The following PPP1R9A variants were observed in gnomAD, a reference collection of about 807,000 sequenced individuals.
PPP1R9A encodes neurabin-1.
In PPP1R9A, 59 loss-of-function variants were observed where a neutral mutation model predicts 141.9. That is an observed-to-expected ratio of 0.42 (90% CI 0.34 to 0.52). The LOEUF (loss-of-function observed/expected upper bound fraction) is 0.52, where lower values mean the gene tolerates loss of function less well. PPP1R9A is among the 20% of genes least tolerant of loss of function. PPP1R9A has a pLI of 0.10. For synonymous variants in PPP1R9A, 500 were observed against 569.7 expected (o/e 0.88, Z 1.74); for missense variants, 1,444 against 1,611.9 (o/e 0.90, Z 1.78).
At chr7:95,106,647 G>A (rs1237840225) in intron 2 of PPP1R9A, among the ~76,000 whole-genome samples, 2 of 152,002 alleles carry the variant, frequency 1.3e-5, no homozygotes, top group East Asian at 3.9e-4. Flanking sequence ...ATACATCTTT[G>A]TACACATTTG....
At chr7:95,175,003 C>A (rs900171960) in intron 5 of PPP1R9A, 1 of 152,136 alleles carries the variant, frequency 6.6e-6, no homozygotes, top group African/African-American at 2.4e-5. Context: ...TCTGCCAGGC[C>A]TCTCACAACA....
chr7:95,092,005 A>G (rs902660707), intron 2 of PPP1R9A, among the ~76,000 whole-genome samples: 1 of 152,200 alleles, frequency 6.6e-6, no homozygotes, highest in African/African-American at 2.4e-5. Flanking sequence ...TGAGATTTAA[A>G]TGAGACACCT....
chr7:95,091,624 G>A (rs556283794), intron 2 of PPP1R9A, among the ~76,000 whole-genome samples: 155 of 151,748 alleles, frequency 1.0e-3, no homozygotes, highest in Non-Finnish European at 2.0e-3. Context: ...GATTACAGGC[G>A]TGAGCCACCA....
intron 2 of PPP1R9A, among the ~76,000 whole-genome samples, chr7:95,034,411 C>G (rs949581519): frequency 6.6e-6 from 1 of 152,118 alleles, no homozygotes; most frequent in African/African-American, 2.4e-5. Context: ...ATTTCTCACA[C>G]ATCGTGTTTT....
intron 16 of PPP1R9A, 62 bp from the exon 17 acceptor site, chr7:95,283,956 G>A (rs1199761515): frequency 1.5e-6 from 2 of 1,351,696 alleles, no homozygotes; most frequent in African/African-American, 1.5e-5. Flanking sequence ...GAGTCCTTGG[G>A]TTCAGTAGGT....
rs754732393 is a variant in PPP1R9A at position 94,911,377 on chromosome 7, G to A, written c.1264G>A (p.Asp422Asn). 5.6e-6 allele frequency: 9 copies of A among 1,614,116 alleles called. No homozygotes were observed. The highest frequency in any genetic ancestry group is 7.6e-6 in the Non-Finnish European group (9 of 1,180,004). The change falls in exon 2 of 20, where the codon GAT becomes AAT. Residue 422 changes from aspartate to asparagine, a missense_variant. This residue lies in a region of PPP1R9A where 490 missense variants were observed against 521.1 expected (regional missense o/e 0.94). Coordinates refer to ENST00000433360, the MANE Select transcript of PPP1R9A (RefSeq NM_001166160.2). ...SDWGETGTEQ[D>N]EEEDSDENSY... ...CTGGGGAGAGACAGGCACTGAGCAGGATGAGGAGGAAGATAGTGATGAGAA... is the reference window on the plus strand; with the variant it reads ...CTGGGGAGAGACAGGCACTGAGCAGAATGAGGAGGAAGATAGTGATGAGAA...
At chr7:95,119,699 C>G (rs1160036639) in intron 3 of PPP1R9A, among the ~76,000 whole-genome samples, 1 of 152,074 alleles carries the variant, frequency 6.6e-6, no homozygotes, top group Non-Finnish European at 1.5e-5. Context: ...AGGGATTCTC[C>G]CACCTCAGCC....
In PPP1R9A at chr7:95,133,104, G is replaced by C. The variant is rs376409165; in HGVS notation, c.1649+12272G>C. ...GAAGGAGATCTCTCAGCAGAGAAGG[G>C]ACCCAAGAGCAGGTAGCCCTCTGTG... On this transcript the variant is annotated intron_variant, in intron 4 of 19. Coordinates refer to ENST00000433360, the MANE Select transcript of PPP1R9A (RefSeq NM_001166160.2). Among the ~76,000 whole-genome samples, 443 of 152,242 alleles carry C rather than the reference G, an allele frequency of 2.9e-3. 1 individual carries two copies. The highest frequency in any genetic ancestry group is 9.1e-3 in the African/African-American group (380 of 41,546).
intron 7 of PPP1R9A, among the ~76,000 whole-genome samples, chr7:95,206,791 G>A (rs1182785840): frequency 6.6e-6 from 1 of 152,154 alleles, no homozygotes; most frequent in Non-Finnish European, 1.5e-5. Flanking sequence ...ATGCTTAAAT[G>A]TTATGATGAT....
Position 95,064,101 on chromosome 7 carries a change from T to A in PPP1R9A, c.1396-47158T>A, listed in dbSNP as rs182044796. On this transcript the variant is annotated intron_variant, in intron 2 of 19. Transcript: ENST00000433360. The stretch of plus-strand genomic sequence containing the variant: ...ACTGTAGTACTGTTATTTGCTGTTA[T>A]TTAAGTTCTGTAAAGTCACAGAAAA... Among the ~76,000 whole-genome samples, 10 of 152,316 alleles carry A rather than the reference T, an allele frequency of 6.6e-5. No individual in the cohort carries two copies. In the East Asian group the frequency reaches 1.9e-3, roughly 29 times the overall value.
At chr7:95,271,512 G>A (rs972124704) in intron 14 of PPP1R9A, among the ~76,000 whole-genome samples, 3 of 152,176 alleles carry the variant, frequency 2.0e-5, no homozygotes, top group Non-Finnish European at 4.4e-5. Flanking sequence ...CAACATGATG[G>A]GGGAAATAGG....
rs572815127 is a variant in PPP1R9A at position 95,068,097 on chromosome 7, C to T, written c.1396-43162C>T. On this transcript the variant is annotated intron_variant, in intron 2 of 19. Transcript: ENST00000433360. ...AAAAAAACTGGATATGTGGCCTAGC[C>T]CTCCAGCAAACTCCTAAAATATTGC... Among the ~76,000 whole-genome samples the T allele has an allele frequency of 2.2e-4, 33 of 152,288 alleles. No homozygotes were observed. In the South Asian group the frequency reaches 3.5e-3, roughly 16 times the overall value.
rs1804823735 is a variant in PPP1R9A, at chr7:95,284,147, C to T, written c.3426C>T (p.Asn1142=). ...GGAAAGGATCCTATTCCTTCAGGAA[C>T]CTGCCTGCGCCTACAAGTTCCCTTC... ...DSRKGSYSFR[N]LPAPTSSLQP... is the part of the protein sequence containing the mutation. Residue 1142 remains asparagine, a synonymous_variant, in exon 17 of 20, where the codon AAC becomes AAT. Transcript: ENST00000433360. The T allele has an allele frequency of 1.3e-6, 2 of 1,589,400 alleles. No homozygotes were observed. The highest frequency in any genetic ancestry group is 1.7e-6 in the Non-Finnish European group (2 of 1,170,660).
chr7:94,909,574 C>G (rs1328310644), intron 1 of PPP1R9A, among the ~76,000 whole-genome samples: 1 of 152,096 alleles, frequency 6.6e-6, no homozygotes, highest in Admixed American at 6.5e-5. Flanking sequence ...AAAGGGCATT[C>G]ACAAAAGCGA....
At chr7:95,103,362 C>CTTCTTTTTTTTTTTTTTTTTTT (rs1819049536) in intron 2 of PPP1R9A, among the ~76,000 whole-genome samples, 1 of 88,816 alleles carries the variant, frequency 1.1e-5, no homozygotes, top group African/African-American at 4.7e-5. Context: ...TTTTTCACTT[C>CTTCTTTTTTTTTTTTTTTTTTT]TTTTTTTTTT....
intron 4 of PPP1R9A, among the ~76,000 whole-genome samples, chr7:95,160,275 C>G (rs1026845530): frequency 9.2e-5 from 14 of 152,062 alleles, no homozygotes; most frequent in Admixed American, 7.9e-4. Flanking sequence ...CCCTGTAATT[C>G]CTGGTTAAGT....
intron 2 of PPP1R9A, among the ~76,000 whole-genome samples, chr7:94,993,171 C>A (rs1801732017): frequency 6.6e-6 from 1 of 151,626 alleles, no homozygotes; most frequent in African/African-American, 2.4e-5. Flanking sequence ...TACAGAATTG[C>A]TTCTGTCAAA....
intron 2 of PPP1R9A, among the ~76,000 whole-genome samples, chr7:95,045,167 G>T (rs1347261757): frequency 2.6e-5 from 4 of 152,096 alleles, no homozygotes; most frequent in Non-Finnish European, 5.9e-5. Flanking sequence ...CTCAATTCTT[G>T]CTTCCTAAGA....
At chr7:95,146,059 C>T (rs1827554468) in intron 4 of PPP1R9A, among the ~76,000 whole-genome samples, 1 of 152,118 alleles carries the variant, frequency 6.6e-6, no homozygotes, top group African/African-American at 2.4e-5. Flanking sequence ...GTTCTAGATC[C>T]TTGAGGAATC....
Sources: gnomAD v4.1 joint callset for allele counts (sites outside exome capture counted in the v4.1 genomes callset) on GRCh38, gnomAD v4.1.1 for gene constraint, gnomAD v4.1.1 regional missense constraint, MANE v1.5 for transcripts, NCBI Gene and HGNC (gene_info 2026-07-23, HGNC 2026-07-21) for gene names.